PRUNE2: variants seen among roughly 807,000 people sequenced by gnomAD.
PRUNE2 encodes protein prune homolog 2.
PRUNE2 carries 164 observed loss-of-function variants against 252.0 expected under a neutral mutation model. That is an observed-to-expected ratio of 0.65 (90% CI 0.57 to 0.74). The LOEUF (loss-of-function observed/expected upper bound fraction) is 0.74. Among genes scored for constraint, PRUNE2 ranks in the 30% least tolerant of loss-of-function variants. The pLI is 0.00. For missense variants in PRUNE2, 3,495 were observed against 3,711.0 expected, an observed-to-expected ratio of 0.94 and a Z score of 1.51; for synonymous variants, 1,292 against 1,350.2, an observed-to-expected ratio of 0.96 and a Z score of 0.94.
chr9:76,850,424 T>C lies in PRUNE2; in HGVS notation c.344+39A>G, dbSNP rs377607290. On this transcript the variant is annotated intron_variant, in intron 3 of 18. Coordinates refer to ENST00000376718, the MANE Select transcript of PRUNE2 (RefSeq NM_015225.3). ...GACACTTTGCCCAGTAGAACCTTCA[T>C]TGAGGGATTAAACCTCAGAGCTTCA... The C allele has an allele frequency of 3.8e-5, 58 of 1,515,690 alleles. 1 individual carries two copies. The highest frequency in any genetic ancestry group is 3.4e-4 in the Middle Eastern group (2 of 5,906). The allele number at this position is 1,515,690 out of a possible 1,614,324, so 93.9% of individuals were successfully genotyped here.
Position 76,854,154 on chromosome 9 carries a change from C to T in PRUNE2, c.91G>A (p.Asp31Asn). ...VHVVIGPKSC[D>N]LDSLISTFTY... is the part of the protein sequence containing the mutation. ...AAGGTAGAAATGAGAGAATCCAAGT[C>T]ACACGATTTAGGCCCAATAACCACA... The change falls in exon 2 of 19, where the codon GAC (aspartate) becomes AAC (asparagine). Residue 31 changes from aspartate to asparagine, a missense_variant. Asp to Asn is a conservative substitution (Grantham distance 23). Coordinates refer to ENST00000376718, the MANE Select transcript of PRUNE2 (RefSeq NM_015225.3). 1 of 1,605,860 alleles carries T rather than the reference C, an allele frequency of 6.2e-7. No homozygotes were observed. The highest frequency in any genetic ancestry group is 1.1e-5 in the South Asian group (1 of 89,756).
intron 6 of PRUNE2, among the ~76,000 whole-genome samples, chr9:76,724,477 A>G (rs1316440147): frequency 6.6e-6 from 1 of 151,946 alleles, no homozygotes; most frequent in South Asian, 2.1e-4. Flanking sequence ...ACCCTGTCAC[A>G]CAGACACACA....
intron 6 of PRUNE2, among the ~76,000 whole-genome samples, chr9:76,718,231 T>C (rs2047330382): frequency 6.6e-6 from 1 of 152,210 alleles, no homozygotes; most frequent in Non-Finnish European, 1.5e-5. Flanking sequence ...CTTTATGCTG[T>C]CTGCTGGTAG....
chr9:76,817,995 TCAAAATATTTCAATATGCAA>T (rs1258939522), intron 6 of PRUNE2, among the ~76,000 whole-genome samples: 2 of 152,208 alleles, frequency 1.3e-5, no homozygotes, highest in Non-Finnish European at 2.9e-5. Context: ...AGTCATCTTT[TCAAAATATTTCAATATGCAA>T]ATCATATGCT....
At chr9:76,757,291 G>A (rs901770066) in intron 6 of PRUNE2, among the ~76,000 whole-genome samples, 1 of 152,132 alleles carries the variant, frequency 6.6e-6, no homozygotes, top group Non-Finnish European at 1.5e-5. Flanking sequence ...AACCAGCAGC[G>A]AATATTACAA....
At chr9:76,683,524 T>C (rs1336387239) in intron 9 of PRUNE2, among the ~76,000 whole-genome samples, 1 of 152,162 alleles carries the variant, frequency 6.6e-6, no homozygotes, top group African/African-American at 2.4e-5. Flanking sequence ...TTGTCACCCA[T>C]CACCCAAAAT....
At chr9:76,646,500 G>T (rs573653930) in intron 11 of PRUNE2, among the ~76,000 whole-genome samples, 16 of 152,334 alleles carry the variant, frequency 1.1e-4, no homozygotes, top group African/African-American at 3.8e-4. Context: ...CCACCAGCAT[G>T]CGGCAGCTTA....
At chr9:76,653,659 A>G (rs920532421) in intron 10 of PRUNE2, among the ~76,000 whole-genome samples, 10 of 152,142 alleles carry the variant, frequency 6.6e-5, no homozygotes, top group Non-Finnish European at 2.9e-5. Flanking sequence ...TCATGTTCAC[A>G]GACACTCCCA....
chr9:76,784,756 T>G (rs1187287653), intron 6 of PRUNE2: 1 of 152,246 alleles, frequency 6.6e-6, no homozygotes, highest in Non-Finnish European at 1.5e-5. Flanking sequence ...TCAAGATCTT[T>G]CCAGGGTTAT....
At chr9:76,834,660 T>C (rs772786202) in intron 4 of PRUNE2, among the ~76,000 whole-genome samples, 2 of 152,194 alleles carry the variant, frequency 1.3e-5, no homozygotes, top group African/African-American at 2.4e-5. Flanking sequence ...ACATCTGATA[T>C]TGGCTTATAG....
chr9:76,854,304 T>C (rs977825692), intron 1 of PRUNE2, 96 bp from the exon 2 acceptor site: 2 of 536,996 alleles, frequency 3.7e-6, no homozygotes, highest in Non-Finnish European at 6.6e-6. Context: ...TTATCCATAT[T>C]GATACACAAT....
chr9:76,767,459 A>AG (rs1554756393), intron 6 of PRUNE2, among the ~76,000 whole-genome samples: 6 of 151,832 alleles, frequency 4.0e-5, no homozygotes, highest in African/African-American at 7.3e-5. Context: ...CTCAAAAAAA[A>AG]AAAGAAAGAA....
chr9:76,812,049 T>C (rs1350744845), intron 6 of PRUNE2, among the ~76,000 whole-genome samples: 1 of 152,204 alleles, frequency 6.6e-6, no homozygotes, highest in Non-Finnish European at 1.5e-5. Context: ...AAATCCATGA[T>C]GTTGTCCAGA....
chr9:76,654,511 A>G (rs940881944), intron 10 of PRUNE2, among the ~76,000 whole-genome samples: 11 of 152,210 alleles, frequency 7.2e-5, no homozygotes, highest in African/African-American at 2.7e-4. Context: ...AAAAGGTTCT[A>G]TATTTGGCTA....
intron 6 of PRUNE2, among the ~76,000 whole-genome samples, chr9:76,728,939 A>G (rs1588885149): frequency 6.6e-6 from 1 of 152,248 alleles, no homozygotes; most frequent in East Asian, 1.9e-4. Context: ...CCAAGACCCA[A>G]CAGCTACAAC....
intron 1 of PRUNE2, among the ~76,000 whole-genome samples, chr9:76,873,629 A>T (rs1195285174): frequency 2.0e-5 from 3 of 152,168 alleles, no homozygotes; most frequent in Admixed American, 2.0e-4. Flanking sequence ...AATTGAAGGC[A>T]GCCTCACAGT....
chr9:76,883,671 G>A (rs113859750), intron 1 of PRUNE2, among the ~76,000 whole-genome samples: 27 of 152,256 alleles, frequency 1.8e-4, no homozygotes, highest in Middle Eastern at 6.8e-3. Flanking sequence ...CTTGACTGAC[G>A]CCTGACTCCC....
At chr9:76,879,650 A>G (rs866306674) in intron 1 of PRUNE2, among the ~76,000 whole-genome samples, 5 of 152,016 alleles carry the variant, frequency 3.3e-5, no homozygotes, top group African/African-American at 7.2e-5. Flanking sequence ...AATATTTTCA[A>G]TAAGGTGACC....
At chr9:76,829,246 A>T (rs2058528208) in intron 4 of PRUNE2, among the ~76,000 whole-genome samples, 1 of 152,130 alleles carries the variant, frequency 6.6e-6, no homozygotes. Flanking sequence ...TGAGCCCAAC[A>T]TTTGGTGTTG....
Sources: gnomAD v4.1 joint callset for allele counts (sites outside exome capture counted in the v4.1 genomes callset) on GRCh38, gnomAD v4.1.1 for gene constraint, MANE v1.5 for transcripts, NCBI Gene and HGNC (gene_info 2026-07-23, HGNC 2026-07-21) for gene names.